RHCE: variants seen among roughly 807,000 people sequenced by gnomAD.
RHCE encodes Rh blood group CcEe antigens, also known as blood group Rh(CE) polypeptide.
RHCE carries 22 observed loss-of-function variants against 43.8 expected under a neutral mutation model. The observed-to-expected ratio is 0.50, with a 90% CI of 0.36 to 0.72. RHCE has a LOEUF of 0.72. RHCE is among the 30% of genes least tolerant of loss of function. The pLI, the probability that RHCE is intolerant of heterozygous loss-of-function variation, is 0.00. For missense variants in RHCE, 385 were observed against 525.4 expected (o/e 0.73, Z 2.61); for synonymous variants, 156 against 210.7 (o/e 0.74, Z 2.25).
At position 25,383,972 on chromosome 1, in the gene RHCE, T is replaced by C. The variant is rs555937011; in HGVS notation, c.1073+1739A>G. Among the ~76,000 whole-genome samples, 95 of 152,258 alleles carry C rather than the reference T, an allele frequency of 6.2e-4. 1 individual carries two copies. The highest frequency in any genetic ancestry group is 1.9e-3 in the African/African-American group (77 of 41,552). On this transcript the variant is annotated intron_variant, in intron 7 of 9. Coordinates refer to ENST00000294413, the MANE Select transcript of RHCE (RefSeq NM_020485.8). ...CTACCAGCAAACCACTGATTGGCTTTTTCTTTTTTGGCTATAGGTCAGTGG... is the reference window on the plus strand; with the variant it reads ...CTACCAGCAAACCACTGATTGGCTTCTTCTTTTTTGGCTATAGGTCAGTGG...
chr1:25,376,506 A>G (rs1645791555), intron 7 of RHCE, among the ~76,000 whole-genome samples: 1 of 152,234 alleles, frequency 6.6e-6, no homozygotes, highest in African/African-American at 2.4e-5. Context: ...TCATTTGGTT[A>G]TCTTCCCTGT....
chr1:25,372,883 C>T (rs559569207), intron 8 of RHCE, among the ~76,000 whole-genome samples: 2 of 151,660 alleles, frequency 1.3e-5, no homozygotes, highest in Non-Finnish European at 2.9e-5. Context: ...CAGCTCACTG[C>T]AACTTCTGCC....
chr1:25,386,064 AT>A lies in RHCE; in HGVS notation c.940-221del, dbSNP rs745627540. Among the ~76,000 whole-genome samples, 131 of 152,272 alleles carry A rather than the reference AT, an allele frequency of 8.6e-4. 1 individual carries two copies. The highest frequency in any genetic ancestry group is 2.2e-3 in the Admixed American group (33 of 15,294). ...TGGATGTGGGGTGGGGTCTAAGAGC[AT>A]TTCTAACAAGGTCCCAGGTGATGCC... On this transcript the variant is annotated intron_variant, in intron 6 of 9. Transcript: ENST00000294413.
At chr1:25,399,326 A>G (rs1646656934) in intron 3 of RHCE, 5 of 762,076 alleles carry the variant, frequency 6.6e-6, no homozygotes, top group East Asian at 5.2e-5. Context: ...TCTTCTCTTA[A>G]TCACAAGATT....
chr1:25,390,959 C>G, intron 4 of RHCE, 44 bp from the exon 5 acceptor site: 1 of 1,613,594 alleles, frequency 6.2e-7, no homozygotes, highest in Non-Finnish European at 8.5e-7. Flanking sequence ...CACTCCTGCT[C>G]CAAAGGTCTG....
upstream of RHCE, among the ~76,000 whole-genome samples, chr1:25,424,673 C>A (rs149654707): frequency 6.6e-6 from 1 of 152,118 alleles, no homozygotes; most frequent in South Asian, 2.1e-4. Flanking sequence ...TAAGTGTGAG[C>A]CACTGTGCCT....
At chr1:25,376,718 TC>T (rs1362296104) in intron 7 of RHCE, among the ~76,000 whole-genome samples, 1 of 152,000 alleles carries the variant, frequency 6.6e-6, no homozygotes, top group African/African-American at 2.4e-5. Context: ...ATGGAGACCA[TC>T]CTGGCTAACA....
chr1:25,379,485 ATATATATATATTTTTTTTTT>A (rs1362639213), intron 7 of RHCE, among the ~76,000 whole-genome samples: 162 of 19,370 alleles, frequency 8.4e-3, no homozygotes, highest in Admixed American at 0.045. Context: ...ATATATATAT[ATATATATATATTTTTTTTTT>A]TTTTTTTTTT....
chr1:25,408,566 A>G (rs1646981957), intron 2 of RHCE, 117 bp downstream of exon 2: 3 of 788,008 alleles, frequency 3.8e-6, no homozygotes, highest in African/African-American at 1.6e-5. Context: ...TGTCCTAAAT[A>G]TTGCACAGCA....
chr1:25,370,409 G>C, intron 9 of RHCE, 58 bp downstream of exon 9: 1 of 1,408,250 alleles, frequency 7.1e-7, no homozygotes, highest in East Asian at 2.3e-5. Context: ...ATATACCCAG[G>C]TATGTTTTTA....
chr1:25,428,728 T>G (rs542055362), intron 2 of RHCE, among the ~76,000 whole-genome samples: 1 of 152,242 alleles, frequency 6.6e-6, no homozygotes, highest in African/African-American at 2.4e-5. Flanking sequence ...ATTTCAGCCC[T>G]ACTCTGAAAA....
intron 1 of RHCE, among the ~76,000 whole-genome samples, chr1:25,414,093 G>A (rs902174391): frequency 6.6e-6 from 1 of 152,102 alleles, no homozygotes; most frequent in Non-Finnish European, 1.5e-5. Context: ...GGTACGTAGT[G>A]AGTGTTAGTA....
At chr1:25,418,208 G>T (rs921433012) in intron 1 of RHCE, among the ~76,000 whole-genome samples, 14 of 152,108 alleles carry the variant, frequency 9.2e-5, no homozygotes, top group African/African-American at 3.4e-4. Context: ...TGTATTTTTA[G>T]TAGAGACAGG....
At chr1:25,370,444 C>T (rs771852799) in intron 9 of RHCE, 23 bp downstream of exon 9, 14 of 1,590,944 alleles carry the variant, frequency 8.8e-6, no homozygotes, top group Middle Eastern at 1.7e-4. Flanking sequence ...AAATCTATCA[C>T]GTTAATAGGT....
chr1:25,392,208 C>A, intron 3 of RHCE, 67 bp from the exon 4 acceptor site: 4 of 1,612,490 alleles, frequency 2.5e-6, no homozygotes, highest in South Asian at 1.1e-5. Context: ...CCCTGATGGT[C>A]CTTGGAGAAA....
chr1:25,392,186 C>A (rs745537829), intron 3 of RHCE, 45 bp from the exon 4 acceptor site: 9 of 1,613,654 alleles, frequency 5.6e-6, no homozygotes, highest in African/African-American at 5.3e-5. Flanking sequence ...GCATCCTCTG[C>A]CCAGGGGAAA....
At position 25,385,793 on chromosome 1, in the gene RHCE, T is replaced by G. The variant is rs1557611709; in HGVS notation, c.991A>C (p.Ile331Leu). 6.2e-7 allele frequency: 1 copy of G among 1,613,994 alleles called. No homozygotes were observed. The highest frequency in any genetic ancestry group is 8.5e-7 in the Non-Finnish European group (1 of 1,180,000). The part of the protein sequence containing the change: ...GIHHISVMHS[I>L]FSLLGLLGEI... ...CCAAGCAGACCCAGCAAGCTGAAGA[T>G]GGAGTGCATGACGGAGATGTGGTGA... Residue 331 changes from isoleucine (I) to leucine (L), a missense_variant, in exon 7 of 10, where the codon ATC becomes CTC. By Grantham distance (5) the Ile-to-Leu change is conservative. Coordinates refer to ENST00000294413, the MANE Select transcript of RHCE (RefSeq NM_020485.8).
chr1:25,400,026 T>C (rs897639597), intron 3 of RHCE, among the ~76,000 whole-genome samples: 1 of 152,210 alleles, frequency 6.6e-6, no homozygotes, highest in African/African-American at 2.4e-5. Context: ...AAAGATGAAC[T>C]GTCCCTGCAT....
upstream of RHCE, among the ~76,000 whole-genome samples, chr1:25,422,297 G>C (rs2042770729): frequency 6.6e-6 from 1 of 152,132 alleles, no homozygotes; most frequent in African/African-American, 2.4e-5. Context: ...AAAAGCAAGA[G>C]GAAAACGCTT....
Sources: allele counts gnomAD v4.1 joint callset (sites outside exome capture counted in the v4.1 genomes callset), GRCh38; gene constraint gnomAD v4.1.1; transcripts MANE v1.5; gene names NCBI Gene and HGNC (gene_info 2026-07-23, HGNC 2026-07-21).